PXDN: variants seen among roughly 807,000 people sequenced by gnomAD.
PXDN encodes the protein peroxidasin homolog.
A neutral mutation model predicts 140.3 loss-of-function variants in PXDN; 77 were observed. The observed-to-expected ratio is 0.55, with a 90% CI of 0.46 to 0.66. PXDN has a LOEUF of 0.66. Among genes scored for constraint, PXDN ranks in the 30% least tolerant of loss-of-function variants. The pLI is 0.00. For synonymous variants in PXDN, 911 were observed against 857.4 expected, an observed-to-expected ratio of 1.06 and a Z score of -1.09; for missense variants, 1,838 against 2,039.5, an observed-to-expected ratio of 0.90 and a Z score of 1.90.
rs1268864326 is a variant in PXDN, at chr2:1,649,023, C to T, written c.2757G>A (p.Thr919=). 5 of 1,612,630 alleles carry T rather than the reference C, an allele frequency of 3.1e-6. No individual in the cohort carries two copies. The highest frequency in any genetic ancestry group is 2.2e-5 in the East Asian group (1 of 44,826). Residue 919 remains threonine (T), a synonymous_variant, in exon 17 of 23, where the codon ACG becomes ACA. Coordinates refer to ENST00000252804, the MANE Select transcript of PXDN (RefSeq NM_012293.3). The surrounding 1 kb of genome is among the most constrained non-coding windows in gnomAD (Gnocchi z 7.1). ...CGCGGATGCTGCGGGCCTCATGCTC[C>T]GTGCTCCCGTACACGTTGGATGCGT... The part of the protein sequence containing the change: ...YIDASNVYGS[T]EHEARSIRDL...
intron 12 of PXDN, among the ~76,000 whole-genome samples, chr2:1,662,540 G>A (rs1218027630): frequency 2.0e-5 from 3 of 152,218 alleles, no homozygotes; most frequent in African/African-American, 7.2e-5. Flanking sequence ...CATATGCTGT[G>A]CCGCAGGGCC....
intron 14 of PXDN, among the ~76,000 whole-genome samples, chr2:1,657,482 C>T (rs1014232062): frequency 6.6e-6 from 1 of 151,842 alleles, no homozygotes; most frequent in African/African-American, 2.4e-5. Flanking sequence ...CCTGCTGCCT[C>T]CCGACTGAAG....
At position 1,663,926 on chromosome 2, in the gene PXDN, C is replaced by T. The variant is rs964600017; in HGVS notation, c.1409-163G>A. ...AAATCTTTGCCTCCCCAGCAGACAC[C>T]ATGGTGACACCTGAACGTCCCTGCA... On this transcript the variant is annotated intron_variant, in intron 11 of 22. Transcript: ENST00000252804. 1.4e-4 allele frequency: 106 copies of T among 760,860 alleles called. 1 individual carries two copies. The highest frequency in any genetic ancestry group is 1.7e-5 in the Non-Finnish European group (8 of 471,898). 47.1% of individuals were successfully genotyped at this position (760,860 alleles called of 1,614,324 possible). A position where few individuals can be genotyped will look rare whatever the true frequency, so the allele number is the denominator to read the frequency against.
rs760795418 is a variant in PXDN, at chr2:1,680,262, T to G, written c.661A>C (p.Ile221Leu). 6.2e-7 allele frequency: 1 copy of G among 1,613,514 alleles called. No individual in the cohort carries two copies. The highest frequency in any genetic ancestry group is 1.1e-5 in the South Asian group (1 of 90,944). The stretch of plus-strand genomic sequence containing the variant: ...TGGATGCGTCTGGGATATTCACAGA[T>G]GGCCGCTGCCTGCGCGTTCCCCGAC... ...AESGNAQAAA[I>L]CEYPRRIQGR... Residue 221 changes from isoleucine (I) to leucine (L), a missense_variant, in exon 7 of 23, where the codon ATC becomes CTC. Coordinates refer to ENST00000252804, the MANE Select transcript of PXDN (RefSeq NM_012293.3).
At chr2:1,723,185 G>A (rs770793443) in intron 1 of PXDN, among the ~76,000 whole-genome samples, 5 of 152,124 alleles carry the variant, frequency 3.3e-5, no homozygotes, top group Non-Finnish European at 7.3e-5. Context: ...ATGGATGAAT[G>A]GACAGATGGA....
chr2:1,673,511 A>C, intron 9 of PXDN, 132 bp downstream of exon 9: 1 of 1,260,090 alleles, frequency 7.9e-7, no homozygotes, highest in Non-Finnish European at 1.1e-6. Context: ...TTTCTGAGCC[A>C]ACCCTGGTAC....
rs151328274 is a variant in PXDN at position 1,676,848 on chromosome 2, G to T, written c.848+79C>A. The stretch of plus-strand genomic sequence containing the variant: ...AGGAAAAGTGGACGTGGGCCTTGGT[G>T]GGGAGTGAGGTGTGGTTTGGGTGTC... On this transcript the variant is annotated intron_variant, in intron 8 of 22. Transcript: ENST00000252804. The T allele has an allele frequency of 2.3e-3, 3,025 of 1,317,502 alleles. 40 individuals are homozygous for T. The highest frequency in any genetic ancestry group is 0.019 in the South Asian group (1,500 of 79,528). 81.6% of individuals were successfully genotyped at this position (1,317,502 alleles called of 1,614,324 possible). A position where few individuals can be genotyped will look rare whatever the true frequency, so the allele number is the denominator to read the frequency against.
At chr2:1,680,477 T>A (rs2125441506) in intron 6 of PXDN, 115 bp from the exon 7 acceptor site, 1 of 1,291,368 alleles carries the variant, frequency 7.7e-7, no homozygotes, top group South Asian at 1.3e-5. Flanking sequence ...CCTGCCAGGC[T>A]TGCGACATGG....
At chr2:1,724,818 C>A (rs1685138466) in intron 1 of PXDN, among the ~76,000 whole-genome samples, 1 of 152,124 alleles carries the variant, frequency 6.6e-6, no homozygotes, top group Non-Finnish European at 1.5e-5. Context: ...GTTCTCCTTT[C>A]TTAAGATTGC....
chr2:1,738,597 G>A (rs1685470379), intron 1 of PXDN, among the ~76,000 whole-genome samples: 1 of 150,250 alleles, frequency 6.7e-6, no homozygotes. Flanking sequence ...CACCCAGGCT[G>A]CAGTGCAGTG....
intron 3 of PXDN, among the ~76,000 whole-genome samples, chr2:1,691,364 G>T (rs1407889563): frequency 3.9e-5 from 6 of 152,172 alleles, no homozygotes; most frequent in Non-Finnish European, 8.8e-5. Flanking sequence ...TCAACGAGCA[G>T]AAGATATGTT....
At position 1,677,564 on chromosome 2, in the gene PXDN, C is replaced by T. The variant is rs919758826; in HGVS notation, c.731-520G>A. On this transcript the variant is annotated intron_variant, in intron 7 of 22. Coordinates refer to ENST00000252804, the MANE Select transcript of PXDN (RefSeq NM_012293.3). The stretch of plus-strand genomic sequence containing the variant: ...CCACCCTGGGCAAGGGGAGAATGGC[C>T]TCTCCTGCCTCCTGCGTGCCCGTGA... Among the ~76,000 whole-genome samples the T allele has an allele frequency of 1.2e-3, 190 of 152,302 alleles. 3 individuals are homozygous for T. Among genetic ancestry groups the T allele is most frequent in the African/African-American group, 3.9e-3 (164 of 41,578 alleles).
rs1369789660 is a variant in PXDN at position 1,634,309 on chromosome 2, G to C, written c.4335C>G (p.Thr1445=). ...CAGGGGGGCAAGCTTCCACGAAGCA[G>C]GTGACCTGCCCGTCCTGGAGAAGAG... ...TICECKDGQV[T]CFVEACPPAT... is the part of the protein sequence containing the mutation. The change falls in exon 23 of 23, where the codon ACC becomes ACG. Residue 1445 remains threonine (T), a synonymous_variant. Coordinates refer to ENST00000252804, the MANE Select transcript of PXDN (RefSeq NM_012293.3). 6.3e-7 allele frequency: 1 copy of C among 1,593,066 alleles called. No homozygotes were observed. Among genetic ancestry groups the C allele is most frequent in the Non-Finnish European group, 8.6e-7 (1 of 1,169,568 alleles).
At chr2:1,724,106 C>T (rs903773127) in intron 1 of PXDN, among the ~76,000 whole-genome samples, 1 of 152,222 alleles carries the variant, frequency 6.6e-6, no homozygotes, top group South Asian at 2.1e-4. Context: ...GAAACACAGA[C>T]ACTGTCGCAT....
At chr2:1,665,300 C>T (rs925403968) in intron 10 of PXDN, among the ~76,000 whole-genome samples, 4 of 152,122 alleles carry the variant, frequency 2.6e-5, no homozygotes, top group Admixed American at 1.3e-4. Context: ...ACACAAAGAC[C>T]GTTCAACCAC....
intron 8 of PXDN, chr2:1,676,160 C>G (rs1249044342): frequency 7.1e-6 from 1 of 140,788 alleles, no homozygotes; most frequent in Non-Finnish European, 1.5e-5. Context: ...CCACCCACCC[C>G]CCTTGCACGC....
intron 1 of PXDN, among the ~76,000 whole-genome samples, chr2:1,722,255 C>T (rs922673868): frequency 6.6e-6 from 1 of 152,308 alleles, no homozygotes; most frequent in Non-Finnish European, 1.5e-5. Context: ...CACTTTACCT[C>T]AGGTTATTCC....
At chr2:1,670,126 T>C (rs1366164254) in intron 9 of PXDN, among the ~76,000 whole-genome samples, 1 of 152,202 alleles carries the variant, frequency 6.6e-6, no homozygotes. Context: ...GCTACCCTTC[T>C]GAAAATTTCC....
chr2:1,681,425 A>C (rs911738143), intron 6 of PXDN, among the ~76,000 whole-genome samples: 1 of 152,124 alleles, frequency 6.6e-6, no homozygotes, highest in Non-Finnish European at 1.5e-5. Context: ...AACTAGGGAA[A>C]AGTCCTGCAA....
Sources: gnomAD v4.1 joint callset for allele counts (sites outside exome capture counted in the v4.1 genomes callset) on GRCh38, gnomAD v4.1.1 for gene constraint, Gnocchi (gnomAD v3.1) non-coding constraint, MANE v1.5 for transcripts, NCBI Gene and HGNC (gene_info 2026-07-23, HGNC 2026-07-21) for gene names.